The following THSD7B variants were observed in gnomAD, a reference collection of about 807,000 sequenced individuals.
THSD7B encodes thrombospondin type 1 domain containing 7B, also known as thrombospondin type-1 domain-containing protein 7B.
Under a neutral mutation model 213.6 loss-of-function variants are expected in THSD7B, and 138 were observed. That is an observed-to-expected ratio of 0.65 (90% confidence interval 0.56 to 0.74). The LOEUF (loss-of-function observed/expected upper bound fraction) is 0.74. THSD7B is among the 30% of genes least tolerant of loss of function. The probability of loss-of-function intolerance (pLI) is 0.00; values close to 1 mark genes in which losing one functional copy is unlikely to be tolerated. For missense variants in THSD7B, 1,931 were observed against 1,991.5 expected (o/e 0.97, Z 0.58); for synonymous variants, 742 against 687.0 (o/e 1.08, Z -1.25).
chr2:137,620,893 G>A (rs2100049), intron 20 of THSD7B, among the ~76,000 whole-genome samples, 167 bp downstream of exon 20: 2,967 of 152,328 alleles, frequency 0.019, 44 homozygotes, highest in Middle Eastern at 0.071. Context: ...GTCCAGGAGA[G>A]TGAGGCAGAG....
chr2:136,986,340 G>T (rs1356860381), intron 2 of THSD7B, among the ~76,000 whole-genome samples: 1 of 152,098 alleles, frequency 6.6e-6, no homozygotes, highest in Non-Finnish European at 1.5e-5. Context: ...GTGAGTTCTT[G>T]CTCAGTTATT....
At chr2:137,102,054 G>A (rs1484399100) in intron 4 of THSD7B, among the ~76,000 whole-genome samples, 1 of 152,222 alleles carries the variant, frequency 6.6e-6, no homozygotes, top group Non-Finnish European at 1.5e-5. Flanking sequence ...GGGACAGACT[G>A]TCTCCTCAAG....
Position 137,301,265 on chromosome 2 carries a change from G to A in THSD7B, c.2500+25239G>A, listed in dbSNP as rs116425123. Among the ~76,000 whole-genome samples the A allele has an allele frequency of 3.3e-3, 500 of 152,036 alleles. 3 individuals carry two copies. The highest frequency in any genetic ancestry group is 0.012 in the African/African-American group (480 of 41,476). On this transcript the variant is annotated intron_variant, in intron 12 of 27. Coordinates refer to ENST00000409968, the MANE Select transcript of THSD7B (RefSeq NM_001316349.2). Reference sequence around the variant, plus strand: ...CAGGTGACTGGCTGTGGACCTCATCGGCTTGCAGTATTTGCTTTTGGCTCT... The same window carrying A: ...CAGGTGACTGGCTGTGGACCTCATCAGCTTGCAGTATTTGCTTTTGGCTCT...
chr2:136,828,209 A>G (rs926799668), intron 1 of THSD7B, among the ~76,000 whole-genome samples: 2 of 152,110 alleles, frequency 1.3e-5, no homozygotes. Flanking sequence ...TAACCTCTCT[A>G]GAGCATTTCA....
At chr2:136,929,645 G>A (rs937653548) in intron 2 of THSD7B, among the ~76,000 whole-genome samples, 14 of 152,188 alleles carry the variant, frequency 9.2e-5, no homozygotes, top group African/African-American at 2.9e-4. Flanking sequence ...TCAGCTTGAT[G>A]TAAGGCTAAA....
chr2:137,256,697 A>G (rs989274091), intron 10 of THSD7B, among the ~76,000 whole-genome samples: 7 of 152,208 alleles, frequency 4.6e-5, no homozygotes, highest in Admixed American at 3.9e-4. Flanking sequence ...TATGTTTTAG[A>G]AAAAGAAAAT....
chr2:136,833,398 AGG>A (rs1185053317), intron 1 of THSD7B, among the ~76,000 whole-genome samples: 5 of 133,520 alleles, frequency 3.7e-5, no homozygotes, highest in Non-Finnish European at 6.4e-5. Context: ...AGAGAGAGAG[AGG>A]GCAATTATAT....
At chr2:137,223,961 T>C (rs1350041937) in intron 7 of THSD7B, among the ~76,000 whole-genome samples, 1 of 152,168 alleles carries the variant, frequency 6.6e-6, no homozygotes, top group African/African-American at 2.4e-5. Flanking sequence ...CTGCCAATGA[T>C]GTAAGTTTCC....
intron 12 of THSD7B, among the ~76,000 whole-genome samples, chr2:137,297,547 C>T (rs1316053473): frequency 6.6e-6 from 1 of 151,862 alleles, no homozygotes; most frequent in Admixed American, 6.6e-5. Flanking sequence ...GAATTTAAAA[C>T]AAAGTTCCAT....
chr2:136,771,163 A>T (rs1038314237), intron 1 of THSD7B, among the ~76,000 whole-genome samples: 1 of 152,190 alleles, frequency 6.6e-6, no homozygotes, highest in African/African-American at 2.4e-5. Flanking sequence ...AATTAACTCA[A>T]TTTATTTCAT....
chr2:136,980,549 C>T (rs1685557677), intron 2 of THSD7B, among the ~76,000 whole-genome samples: 1 of 152,186 alleles, frequency 6.6e-6, no homozygotes, highest in African/African-American at 2.4e-5. Flanking sequence ...TGCTGTGCTG[C>T]ACTGTAGGAA....
intron 12 of THSD7B, among the ~76,000 whole-genome samples, chr2:137,297,702 T>C (rs939925619): frequency 6.6e-6 from 1 of 152,076 alleles, no homozygotes; most frequent in Non-Finnish European, 1.5e-5. Context: ...CAGTCTTTCC[T>C]GTGCTATTCT....
At chr2:136,890,832 T>C (rs1345125519) in intron 2 of THSD7B, among the ~76,000 whole-genome samples, 6 of 151,762 alleles carry the variant, frequency 4.0e-5, no homozygotes, top group African/African-American at 1.5e-4. Flanking sequence ...TGAGCTACCG[T>C]GCCTGGCCAT....
intron 10 of THSD7B, among the ~76,000 whole-genome samples, chr2:137,256,944 C>T (rs1682324689): frequency 2.0e-5 from 3 of 152,142 alleles, no homozygotes; most frequent in African/African-American, 7.2e-5. Flanking sequence ...GGTGAGGGTC[C>T]GCATTTGGTG....
intron 3 of THSD7B, among the ~76,000 whole-genome samples, chr2:137,060,959 C>T (rs955119118): frequency 6.6e-6 from 1 of 151,842 alleles, no homozygotes; most frequent in South Asian, 2.1e-4. Context: ...ATTGATAATA[C>T]TGAGTCATCC....
intron 2 of THSD7B, among the ~76,000 whole-genome samples, chr2:136,999,574 A>C (rs1685963494): frequency 6.6e-6 from 1 of 151,934 alleles, no homozygotes; most frequent in East Asian, 1.9e-4. Context: ...GCAGCAGGTA[A>C]GGGATTAATT....
intron 17 of THSD7B, 83 bp downstream of exon 17, chr2:137,572,639 C>A: frequency 1.4e-6 from 2 of 1,421,898 alleles, no homozygotes; most frequent in Non-Finnish European, 1.9e-6. Flanking sequence ...GTGCTAGTCT[C>A]CAAAGCATTC....
rs112003243 is a variant in THSD7B, at chr2:137,418,913, CT to C, written c.2959+7053del. Among the ~76,000 whole-genome samples, 1,157 of 149,372 alleles carry C rather than the reference CT, an allele frequency of 7.7e-3. 8 individuals carry two copies. The highest frequency in any genetic ancestry group is 0.024 in the African/African-American group (982 of 40,814). Reference sequence around the variant, plus strand: ...AATATTCCATTGTGTATATGTCTCACTTTTTTTTTTTTAAGATGGAGTCTAG... The same window carrying C: ...AATATTCCATTGTGTATATGTCTCACTTTTTTTTTTTAAGATGGAGTCTAG... On this transcript the variant is annotated intron_variant, in intron 14 of 27. Transcript: ENST00000409968.
At chr2:137,147,841 A>G (rs1333535901) in intron 5 of THSD7B, among the ~76,000 whole-genome samples, 1 of 151,980 alleles carries the variant, frequency 6.6e-6, no homozygotes, top group Non-Finnish European at 1.5e-5. Flanking sequence ...CTTCTCAGAC[A>G]TTCGTATCTC....
Sources: allele counts gnomAD v4.1 joint callset (sites outside exome capture counted in the v4.1 genomes callset), GRCh38; gene constraint gnomAD v4.1.1; transcripts MANE v1.5; gene names NCBI Gene and HGNC (gene_info 2026-07-23, HGNC 2026-07-21).